Variants in UBR4 observed in about 807,000 individuals in gnomAD.
The protein encoded by UBR4 is E3 ubiquitin-protein ligase UBR4.
Under a neutral mutation model 575.6 loss-of-function variants are expected in UBR4, and 124 were observed. That is an observed-to-expected ratio of 0.22 (90% CI 0.19 to 0.25). UBR4 has a LOEUF of 0.25. Ranked by LOEUF, UBR4 falls within the 10% of genes least tolerant of loss-of-function variation. The probability of loss-of-function intolerance (pLI) is 1.00; values close to 1 mark genes in which losing one functional copy is unlikely to be tolerated. For missense variants in UBR4, 4,818 were observed against 6,478.8 expected, an observed-to-expected ratio of 0.74 and a Z score of 8.80; for synonymous variants, 2,455 against 2,473.7, an observed-to-expected ratio of 0.99 and a Z score of 0.22.
Position 19,139,219 on chromosome 1 carries a change from A to T in UBR4, c.8595T>A (p.Ala2865=). The T allele has an allele frequency of 1.2e-6, 2 of 1,604,856 alleles. No homozygotes were observed. The highest frequency in any genetic ancestry group is 1.7e-6 in the Non-Finnish European group (2 of 1,175,110). The change falls in exon 59 of 106, where the codon GCT becomes GCA. Residue 2865 remains alanine, a splice_region_variant and synonymous_variant. Coordinates refer to ENST00000375254, the MANE Select transcript of UBR4 (RefSeq NM_020765.3). This position sits in a 1 kb window ranked among gnomAD's most constrained non-coding sequence, Gnocchi z 4.2. ...AGTLSDTTAS[A]PASDDEGSTA... ...TACTGCCCTCGTCGTCTGAGGCTGG[A>T]GCTGAGAGAGTAACGAGAGCTGTTA... is the stretch of plus-strand genomic sequence containing the variant.
intron 91 of UBR4, among the ~76,000 whole-genome samples, 200 bp downstream of exon 91, chr1:19,096,992 CT>C (rs36041876): frequency 0.58 from 83,845 of 144,326 alleles, 24,160 homozygotes; most frequent in East Asian, 0.71. Flanking sequence ...TGCTGGTATT[CT>C]TTTTTTTTTT....
chr1:19,134,552 C>T (rs752002474), intron 60 of UBR4, among the ~76,000 whole-genome samples: 2 of 152,302 alleles, frequency 1.3e-5, no homozygotes, highest in East Asian at 3.9e-4. Flanking sequence ...AACTCAGAGA[C>T]AAAGTTTAGG....
At chr1:19,205,240 A>T (rs1323306706) in intron 1 of UBR4, among the ~76,000 whole-genome samples, 2 of 152,204 alleles carry the variant, frequency 1.3e-5, no homozygotes, top group African/African-American at 2.4e-5. Flanking sequence ...GAGAAATCCA[A>T]TTTGATGTGT....
chr1:19,197,658 G>A lies in UBR4; in HGVS notation c.893+12C>T. 1.2e-6 allele frequency: 2 copies of A among 1,613,640 alleles called. No individual in the cohort carries two copies. The highest frequency in any genetic ancestry group is 1.7e-6 in the Non-Finnish European group (2 of 1,179,920). Reference sequence around the variant, plus strand: ...AAAAAAAGTAAAGCATGTGCACTGTGAAGCACCTTACCCATTACGAACAGC... The same window carrying A: ...AAAAAAAGTAAAGCATGTGCACTGTAAAGCACCTTACCCATTACGAACAGC... On this transcript the variant is annotated intron_variant, in intron 7 of 105. Transcript: ENST00000375254.
intron 34 of UBR4, among the ~76,000 whole-genome samples, chr1:19,162,940 T>C (rs2087632763): frequency 6.6e-6 from 1 of 152,222 alleles, no homozygotes; most frequent in Non-Finnish European, 1.5e-5. Context: ...GATTAGAGTA[T>C]GAAGAGACTC....
chr1:19,105,730 T>TA lies in UBR4; in HGVS notation c.12503+2dup. 1 of 1,581,602 alleles carries TA rather than the reference T, an allele frequency of 6.3e-7. No homozygotes were observed. The highest frequency in any genetic ancestry group is 8.6e-7 in the Non-Finnish European group (1 of 1,168,512). Reference sequence around the variant, plus strand: ...CGCTCCTCATCCCACTCCCAAATGGTACCTGGTAAGCAGGTCCAGGACCTG... The same window carrying TA: ...CGCTCCTCATCCCACTCCCAAATGGTAACCTGGTAAGCAGGTCCAGGACCTG... On this transcript the variant is annotated splice_region_variant and intron_variant, in intron 84 of 105. Transcript: ENST00000375254.
At chr1:19,190,296 A>AG (rs1160682727) in intron 11 of UBR4, among the ~76,000 whole-genome samples, 1 of 110,426 alleles carries the variant, frequency 9.1e-6, no homozygotes, top group Non-Finnish European at 1.9e-5. Context: ...CTGCCTCAAA[A>AG]AAAAAAAAAA....
Position 19,092,926 on chromosome 1 carries a change from G to A in UBR4, c.14112-8C>T. 6.2e-7 allele frequency: 1 copy of A among 1,611,596 alleles called. No individual in the cohort carries two copies. The highest frequency in any genetic ancestry group is 1.7e-4 in the Middle Eastern group (1 of 6,038). ...CAGATGTCGGCATCCAAACTGCAAAGCAAAGGAAGGCTTATTAGCAGGCCA... is the reference window on the plus strand; with the variant it reads ...CAGATGTCGGCATCCAAACTGCAAAACAAAGGAAGGCTTATTAGCAGGCCA... On this transcript the variant is annotated splice_polypyrimidine_tract_variant and splice_region_variant and intron_variant, in intron 96 of 105. Transcript: ENST00000375254.
At chr1:19,176,311 C>T (rs547593819) in intron 20 of UBR4, among the ~76,000 whole-genome samples, 19 of 151,936 alleles carry the variant, frequency 1.3e-4, no homozygotes, top group African/African-American at 4.6e-4. Context: ...CCAGGCTGGT[C>T]TCGAACTCCT....
At position 19,192,200 on chromosome 1, in the gene UBR4, C is replaced by A. The variant is rs1220444937; in HGVS notation, c.1382G>T (p.Gly461Val). The A allele has an allele frequency of 6.2e-7, 1 of 1,613,678 alleles. No individual in the cohort carries two copies. Among genetic ancestry groups the A allele is most frequent in the Non-Finnish European group, 8.5e-7 (1 of 1,179,882 alleles). The change falls in exon 11 of 106, where the codon GGG (glycine) becomes GTG (valine). Residue 461 changes from glycine to valine, a missense_variant. Gly to Val is a moderately radical substitution (Grantham distance 109, BLOSUM62 -3). Coordinates refer to ENST00000375254, the MANE Select transcript of UBR4 (RefSeq NM_020765.3). ...TKEGVGSPKL[G>V]PGKGHQGFGV... ...AGTAGACACATACCCTTTTCCAGGC[C>A]CCAGTTTAGGGGAGCCCACTCCCTC...
Position 19,094,931 on chromosome 1 carries a change from T to A in UBR4, c.13721A>T (p.Asn4574Ile), listed in dbSNP as rs768098413. 3 of 1,613,990 alleles carry A rather than the reference T, an allele frequency of 1.9e-6. No homozygotes were observed. The highest frequency in any genetic ancestry group is 2.7e-5 in the African/African-American group (2 of 75,040). The stretch of plus-strand genomic sequence containing the variant: ...CTTGTCCTCACTCAGGGGCTCAGCA[T>A]TGGACTCATCTAGAATGATCTCCAT... ...SIMEIILDES[N>I]AEPLSEDKGN... The change falls in exon 94 of 106, where the codon AAT becomes ATT. Residue 4574 changes from asparagine to isoleucine, a missense_variant. Around this residue, in one of 29 missense-constraint regions of UBR4, gnomAD observed 165 missense variants for 282.3 expected, o/e 0.58. Transcript: ENST00000375254.
chr1:19,156,185 C>A, intron 42 of UBR4, 86 bp downstream of exon 42: 1 of 1,535,722 alleles, frequency 6.5e-7, no homozygotes, highest in Non-Finnish European at 8.8e-7. Context: ...ATTTTTTTAA[C>A]TCCTGGGAGA....
In UBR4 at chr1:19,169,439, G is replaced by C. The variant is rs1204232993; in HGVS notation, c.3737C>G (p.Ser1246Cys). Residue 1246 changes from serine (S) to cysteine (C), a missense_variant, in exon 27 of 106, where the codon TCC becomes TGC. Coordinates refer to ENST00000375254, the MANE Select transcript of UBR4 (RefSeq NM_020765.3). The part of the protein sequence containing the change: ...INTNEFPNIG[S>C]WRNAFANDTI... ...CTGGAACAGATAGGGACTCACCCAG[G>C]ATCCAATATTGGGAAATTCATTGGT... 1.2e-6 allele frequency: 2 copies of C among 1,613,034 alleles called. No homozygotes were observed. Among genetic ancestry groups the C allele is most frequent in the Non-Finnish European group, 1.7e-6 (2 of 1,179,528 alleles).
chr1:19,076,088 C>A (rs2075909934), intron 105 of UBR4, among the ~76,000 whole-genome samples: 1 of 152,214 alleles, frequency 6.6e-6, no homozygotes, highest in Admixed American at 6.5e-5. Context: ...AGTCACCTCC[C>A]CCTGCTGTCA....
At chr1:19,121,900 A>C (rs750677217) in intron 67 of UBR4, 34 bp downstream of exon 67, 1 of 1,612,746 alleles carries the variant, frequency 6.2e-7, no homozygotes. Flanking sequence ...TGAATGAATG[A>C]ATAACAGCAA....
intron 1 of UBR4, among the ~76,000 whole-genome samples, chr1:19,202,582 A>C (rs935526298): frequency 3.3e-5 from 5 of 152,192 alleles, no homozygotes; most frequent in Admixed American, 6.5e-5. Flanking sequence ...TGGATAACAG[A>C]GTTATCCCCT....
intron 33 of UBR4, among the ~76,000 whole-genome samples, 198 bp downstream of exon 33, chr1:19,164,055 T>C (rs1459520799): frequency 1.3e-5 from 2 of 152,112 alleles, no homozygotes; most frequent in Admixed American, 6.5e-5. Context: ...TTGGGAACAA[T>C]GAACAGGAAA....
intron 60 of UBR4, among the ~76,000 whole-genome samples, 175 bp downstream of exon 60, chr1:19,137,832 A>G (rs1303808906): frequency 6.6e-6 from 1 of 152,206 alleles, no homozygotes; most frequent in African/African-American, 2.4e-5. Context: ...TCGAAGACAA[A>G]GACAGACCTA....
intron 44 of UBR4, among the ~76,000 whole-genome samples, chr1:19,154,189 T>TGGCC (rs767324779): frequency 2.0e-5 from 3 of 152,160 alleles, no homozygotes; most frequent in Non-Finnish European, 2.9e-5. Flanking sequence ...GAAGAACAGG[T>TGGCC]GGCCCTATGT....
Sources: gnomAD v4.1 joint callset for allele counts (sites outside exome capture counted in the v4.1 genomes callset) on GRCh38, gnomAD v4.1.1 for gene constraint, gnomAD v4.1.1 regional missense constraint, Gnocchi (gnomAD v3.1) non-coding constraint, MANE v1.5 for transcripts, NCBI Gene and HGNC (gene_info 2026-07-23, HGNC 2026-07-21) for gene names.